Variants in NBAS observed in about 807,000 individuals in gnomAD.
NBAS encodes the protein NBAS subunit of NRZ tethering complex, also known as NAG/BC035112 fusion.
A neutral mutation model predicts 302.5 loss-of-function variants in NBAS; 219 were observed. That is an observed-to-expected ratio of 0.72 (90% CI 0.65 to 0.81). The LOEUF is 0.81. NBAS is among the 30% of genes least tolerant of loss of function. The pLI is 0.00. For missense variants in NBAS, 2,932 were observed against 2,841.6 expected, an observed-to-expected ratio of 1.03 and a Z score of -0.72; for synonymous variants, 1,118 against 1,021.6, an observed-to-expected ratio of 1.09 and a Z score of -1.80.
At chr2:15,384,275 T>C (rs1270174517) in intron 28 of NBAS, among the ~76,000 whole-genome samples, 32 of 152,180 alleles carry the variant, frequency 2.1e-4, no homozygotes, top group Admixed American at 2.1e-3. Flanking sequence ...TAGTCACAAA[T>C]TGGTTGTGTG....
chr2:15,101,921 C>T, the NBAS span, among the ~76,000 whole-genome samples: 2 of 152,232 alleles, frequency 1.3e-5, no homozygotes, highest in Non-Finnish European at 2.9e-5. Context: ...AAGGGCAGAT[C>T]CTCTGCGCTC....
the NBAS span, among the ~76,000 whole-genome samples, chr2:14,796,796 T>G: frequency 6.6e-6 from 1 of 151,816 alleles, no homozygotes; most frequent in African/African-American, 2.4e-5. Context: ...ACCAATCAAA[T>G]GTTGCCTTTT....
At chr2:15,022,922 C>G in the NBAS span, among the ~76,000 whole-genome samples, 1 of 151,750 alleles carries the variant, frequency 6.6e-6, no homozygotes. Context: ...TACATGTATA[C>G]TTTTCCTATT....
intron 6 of NBAS, among the ~76,000 whole-genome samples, chr2:15,547,129 C>G (rs1314354833): frequency 6.6e-6 from 1 of 152,176 alleles, no homozygotes; most frequent in Non-Finnish European, 1.5e-5. Context: ...AGAGCCAAAA[C>G]AAGTTACAAT....
At chr2:15,003,329 A>G in the NBAS span, among the ~76,000 whole-genome samples, 1 of 152,136 alleles carries the variant, frequency 6.6e-6, no homozygotes, top group African/African-American at 2.4e-5. Context: ...GCAGTTGCTT[A>G]TATTCTTGTA....
chr2:14,929,527 G>A, the NBAS span, among the ~76,000 whole-genome samples: 33 of 152,170 alleles, frequency 2.2e-4, no homozygotes, highest in South Asian at 4.2e-4. Flanking sequence ...ACAGGCGTGC[G>A]CCACCACACC....
At chr2:15,527,297 C>T (rs1322464713) in intron 9 of NBAS, among the ~76,000 whole-genome samples, 1 of 152,174 alleles carries the variant, frequency 6.6e-6, no homozygotes, top group Non-Finnish European at 1.5e-5. Flanking sequence ...GTACATATTC[C>T]TTGCCTTCAA....
At chr2:14,811,379 C>A in the NBAS span, among the ~76,000 whole-genome samples, 1 of 152,038 alleles carries the variant, frequency 6.6e-6, no homozygotes. Flanking sequence ...CACTGCACTC[C>A]AGCCCAGGCT....
At chr2:14,873,838 A>ATTACATT in the NBAS span, among the ~76,000 whole-genome samples, 14 of 135,900 alleles carry the variant, frequency 1.0e-4, no homozygotes, top group African/African-American at 4.7e-4. Flanking sequence ...AATATATTGC[A>ATTACATT]TTACATTTTT....
intron 44 of NBAS, 37 bp downstream of exon 44, chr2:15,275,447 C>G: frequency 6.3e-7 from 1 of 1,584,454 alleles, no homozygotes; most frequent in Non-Finnish European, 8.6e-7. Context: ...ATTTCTTCTA[C>G]TGTGCTCAAA....
chr2:14,990,194 C>A, the NBAS span, among the ~76,000 whole-genome samples: 1 of 150,864 alleles, frequency 6.6e-6, no homozygotes, highest in Non-Finnish European at 1.5e-5. Context: ...GGGTGGAACA[C>A]CTGAGGTCAG....
chr2:14,843,700 T>A, the NBAS span, among the ~76,000 whole-genome samples: 2 of 152,064 alleles, frequency 1.3e-5, no homozygotes, highest in Non-Finnish European at 2.9e-5. Flanking sequence ...ATCACTGATG[T>A]CACACCTCCC....
At chr2:15,374,017 G>A (rs1009395758) in intron 31 of NBAS, among the ~76,000 whole-genome samples, 1 of 152,168 alleles carries the variant, frequency 6.6e-6, no homozygotes. Context: ...AGCATAAATA[G>A]ATGAGACAAG....
chr2:15,392,336 C>T (rs1179424584), intron 28 of NBAS, among the ~76,000 whole-genome samples: 1 of 151,316 alleles, frequency 6.6e-6, no homozygotes, highest in East Asian at 1.9e-4. Context: ...GAAGATCTAC[C>T]TTCCTGTGAT....
chr2:15,215,185 G>A (rs1344589023), intron 48 of NBAS, among the ~76,000 whole-genome samples: 1 of 151,966 alleles, frequency 6.6e-6, no homozygotes, highest in Non-Finnish European at 1.5e-5. Context: ...CCCCAAGCTG[G>A]GGCATATTTC....
At chr2:15,442,798 C>T (rs1678502724) in intron 21 of NBAS, among the ~76,000 whole-genome samples, 3 of 151,440 alleles carry the variant, frequency 2.0e-5, no homozygotes, top group Middle Eastern at 6.8e-3. Flanking sequence ...CAAATAGACG[C>T]AATAAAAAAT....
chr2:15,109,002 C>A, the NBAS span, among the ~76,000 whole-genome samples: 1 of 152,076 alleles, frequency 6.6e-6, no homozygotes. Context: ...AGGTTAAGGT[C>A]AAATCTTTAG....
the NBAS span, among the ~76,000 whole-genome samples, chr2:14,962,144 C>T: frequency 6.6e-6 from 1 of 152,102 alleles, no homozygotes; most frequent in African/African-American, 2.4e-5. Flanking sequence ...GAGTTTGATA[C>T]TGTGGATATT....
intron 13 of NBAS, among the ~76,000 whole-genome samples, 195 bp from the exon 14 acceptor site, chr2:15,476,075 C>A (rs1002947264): frequency 2.6e-5 from 4 of 152,036 alleles, no homozygotes; most frequent in African/African-American, 9.7e-5. Context: ...AATGTTAATT[C>A]CCTTGACAAA....
Sources: allele counts gnomAD v4.1 joint callset (sites outside exome capture counted in the v4.1 genomes callset), GRCh38; gene constraint gnomAD v4.1.1; transcripts MANE v1.5; gene names NCBI Gene and HGNC (gene_info 2026-07-23, HGNC 2026-07-21).